The following RBFOX1 variants were observed in gnomAD, a reference collection of about 807,000 sequenced individuals.
The protein encoded by RBFOX1 is RNA binding fox-1 homolog 1.
In RBFOX1, 8 loss-of-function variants were observed where a neutral mutation model predicts 57.7. The ratio of observed to expected loss-of-function variants is 0.14; its 90% confidence interval spans 0.08 to 0.25. The LOEUF (loss-of-function observed/expected upper bound fraction) is 0.25. Ranked by LOEUF, RBFOX1 falls within the 10% of genes least tolerant of loss-of-function variation. RBFOX1 has a pLI of 1.00. For missense variants in RBFOX1, 611 were observed against 548.5 expected (o/e 1.11, Z -1.14); for synonymous variants, 326 against 222.4 (o/e 1.47, Z -4.15).
chr16:6,124,341 G>A (rs139779809), intron 1 of RBFOX1, among the ~76,000 whole-genome samples: 2 of 152,278 alleles, frequency 1.3e-5, no homozygotes, highest in Non-Finnish European at 2.9e-5. Context: ...TTTTCACTCT[G>A]TCTCAGAGCT....
intron 4 of RBFOX1, among the ~76,000 whole-genome samples, chr16:7,380,935 GAGAA>G (rs1321430637): frequency 2.0e-5 from 3 of 152,354 alleles, no homozygotes. Flanking sequence ...GGAAAATGGA[GAGAA>G]AGAACAGTAT....
chr16:5,466,320 C>G (rs1480385895), intron 1 of RBFOX1, among the ~76,000 whole-genome samples: 1 of 152,154 alleles, frequency 6.6e-6, no homozygotes, highest in African/African-American at 2.4e-5. Flanking sequence ...AAGCAACTGA[C>G]TCAGCCTTCT....
intron 1 of RBFOX1, among the ~76,000 whole-genome samples, chr16:5,436,864 A>T (rs1164516058): frequency 6.6e-6 from 1 of 152,140 alleles, no homozygotes; most frequent in Non-Finnish European, 1.5e-5. Context: ...CTGTCAGATA[A>T]CTTAAATTTT....
chr16:5,661,729 C>A (rs1277314121), intron 3 of RBFOX1, among the ~76,000 whole-genome samples: 2 of 152,160 alleles, frequency 1.3e-5, no homozygotes, highest in Non-Finnish European at 2.9e-5. Context: ...TTTAAGGAAA[C>A]ACAACAGCAT....
At chr16:6,661,153 T>G (rs2098698951) in intron 3 of RBFOX1, among the ~76,000 whole-genome samples, 1 of 152,222 alleles carries the variant, frequency 6.6e-6, no homozygotes, top group Non-Finnish European at 1.5e-5. Context: ...AATTTTCCTG[T>G]AATACCACTG....
intron 1 of RBFOX1, among the ~76,000 whole-genome samples, chr16:6,160,255 G>A (rs771805736): frequency 6.6e-6 from 1 of 152,068 alleles, no homozygotes; most frequent in Admixed American, 6.6e-5. Flanking sequence ...GTCAATTGTT[G>A]CCTCTGTTTT....
chr16:5,758,139 C>T (rs1236237456), intron 3 of RBFOX1, among the ~76,000 whole-genome samples: 8 of 152,196 alleles, frequency 5.3e-5, no homozygotes, highest in African/African-American at 1.9e-4. Context: ...TAAATTGAGC[C>T]AGGAAAGACT....
chr16:6,939,133 A>ATTAGTT (rs1171296046), intron 3 of RBFOX1, among the ~76,000 whole-genome samples: 1 of 152,196 alleles, frequency 6.6e-6, no homozygotes, highest in African/African-American at 2.4e-5. Flanking sequence ...CAACCTGCCA[A>ATTAGTT]GGTCACACCA....
intron 3 of RBFOX1, among the ~76,000 whole-genome samples, chr16:6,762,841 T>C (rs1413394630): frequency 1.3e-5 from 2 of 152,166 alleles, no homozygotes; most frequent in African/African-American, 2.4e-5. Flanking sequence ...AGAGTCATAG[T>C]GGCTCTCAAA....
At chr16:5,799,264 T>G (rs866937171) in intron 3 of RBFOX1, among the ~76,000 whole-genome samples, 17 of 152,068 alleles carry the variant, frequency 1.1e-4, no homozygotes, top group South Asian at 2.1e-4. Context: ...CATGACTCAT[T>G]TATCTCCCAC....
At chr16:7,135,374 G>T (rs1359537555) in intron 4 of RBFOX1, among the ~76,000 whole-genome samples, 2 of 152,212 alleles carry the variant, frequency 1.3e-5, no homozygotes, top group Non-Finnish European at 2.9e-5. Context: ...AGGCACAGCA[G>T]AACAATTTAT....
At chr16:7,258,156 T>G (rs780160726) in intron 4 of RBFOX1, among the ~76,000 whole-genome samples, 9 of 152,298 alleles carry the variant, frequency 5.9e-5, no homozygotes, top group Non-Finnish European at 1.3e-4. Flanking sequence ...TCTTGACTAT[T>G]TTATTCTGGA....
At chr16:7,405,614 G>A (rs2098327315) in intron 4 of RBFOX1, among the ~76,000 whole-genome samples, 1 of 152,246 alleles carries the variant, frequency 6.6e-6, no homozygotes, top group African/African-American at 2.4e-5. Context: ...CTTTGGATCT[G>A]CTCACACATT....
At chr16:7,303,334 T>A (rs2142088097) in intron 4 of RBFOX1, among the ~76,000 whole-genome samples, 1 of 152,176 alleles carries the variant, frequency 6.6e-6, no homozygotes, top group East Asian at 2.0e-4. Context: ...CCCCAGCCCC[T>A]AACGTCTCAG....
intron 1 of RBFOX1, among the ~76,000 whole-genome samples, chr16:6,277,484 A>G (rs1330775958): frequency 4.8e-5 from 7 of 146,730 alleles, no homozygotes; most frequent in Non-Finnish European, 1.0e-4. Context: ...AAAAACCTCA[A>G]TTTTTATCAG....
intron 4 of RBFOX1, among the ~76,000 whole-genome samples, chr16:7,153,952 G>A (rs8051660): frequency 0.24 from 37,077 of 151,986 alleles, 5,351 homozygotes; most frequent in African/African-American, 0.39. Flanking sequence ...TGACGAGAAT[G>A]GAGATAAAGA....
At position 5,909,832 on chromosome 16, in the gene RBFOX1, A is replaced by G. The variant is rs1165899165; in HGVS notation, c.351+42497A>G. ...TTTGGGAGACCGCGGCGGGCAGATC[A>G]CTTGAGGTCAGGAGTTTCGAGACCA... On this transcript the variant is annotated intron_variant, in intron 4 of 19. Coordinates refer to the RBFOX1 transcript ENST00000641259. Among the ~76,000 whole-genome samples the G allele has an allele frequency of 3.3e-5, 5 of 152,112 alleles. No homozygotes were observed. The East Asian group carries it at 9.7e-4, about 29-fold the overall frequency.
At position 6,979,119 on chromosome 16, in the gene RBFOX1, A is replaced by C. The variant is rs78520865; in HGVS notation, c.-15-72938A>C. On this transcript the variant is annotated intron_variant, in intron 3 of 15. Transcript: ENST00000550418. ...ACATGATGATTATGGGCTCAGATAAAATTGTACCAAAAATCAGACCTGAAT... is the reference window on the plus strand; with the variant it reads ...ACATGATGATTATGGGCTCAGATAACATTGTACCAAAAATCAGACCTGAAT... Among the ~76,000 whole-genome samples the C allele has an allele frequency of 4.5e-4, 68 of 152,316 alleles. No individual in the cohort carries two copies. The Middle Eastern group carries it at 0.027, about 61-fold the overall frequency.
chr16:5,501,349 T>G (rs199940129), intron 2 of RBFOX1, among the ~76,000 whole-genome samples: 2,549 of 112,364 alleles, frequency 0.023, 78 homozygotes, highest in African/African-American at 0.082. Context: ...AAAGAAAAAA[T>G]AAAATTATCA....
Sources: allele counts gnomAD v4.1 joint callset (sites outside exome capture counted in the v4.1 genomes callset), GRCh38; gene constraint gnomAD v4.1.1; transcripts MANE v1.5; gene names NCBI Gene and HGNC (gene_info 2026-07-23, HGNC 2026-07-21).